Variants in GPC3 observed in about 807,000 individuals in gnomAD.
GPC3 encodes glypican 3.
GPC3 carries 3 observed loss-of-function variants against 34.4 expected under a neutral mutation model. That is an observed-to-expected ratio of 0.09 (90% CI 0.04 to 0.23). The LOEUF (loss-of-function observed/expected upper bound fraction) is 0.23, where lower values mean the gene tolerates loss of function less well. Ranked by LOEUF, GPC3 falls within the 10% of genes least tolerant of loss-of-function variation. The probability of loss-of-function intolerance (pLI) is 1.00; values close to 1 mark genes in which losing one functional copy is unlikely to be tolerated. For synonymous variants in GPC3, 177 were observed against 174.0 expected, an observed-to-expected ratio of 1.02 and a Z score of -0.13; for missense variants, 351 against 445.6, an observed-to-expected ratio of 0.79 and a Z score of 1.91.
At chrX:133,658,696 A>C (rs1013710198) in intron 6 of GPC3, among the ~76,000 whole-genome samples, 1 of 112,502 alleles carries the variant, frequency 8.9e-6, no homozygotes, top group African/African-American at 3.2e-5. Flanking sequence ...TGAAACAGGT[A>C]AAACTGGTTT....
chrX:133,810,465 G>C (rs1172280527), intron 2 of GPC3, among the ~76,000 whole-genome samples: 2 of 111,956 alleles, frequency 1.8e-5, no homozygotes, highest in African/African-American at 3.2e-5. Flanking sequence ...GATTTGGAGG[G>C]AAGAGGAGCC....
Position 133,777,009 on chromosome X carries a change from A to G in GPC3, c.338-22833T>C, listed in dbSNP as rs771782044. Among the ~76,000 whole-genome samples, 7 of 106,525 alleles carry G rather than the reference A, an allele frequency of 6.6e-5. No individual in the cohort carries two copies. In the South Asian group the frequency reaches 1.7e-3, roughly 26 times the overall value. The allele number at this position is 106,525 out of a possible 115,157, so 92.5% of individuals were successfully genotyped here. Reference sequence around the variant, plus strand: ...ATTCTCCTGCCTCAGCCTCCCAAGTAGCTGGGATTACAGGTGCCCACCACC... The same window carrying G: ...ATTCTCCTGCCTCAGCCTCCCAAGTGGCTGGGATTACAGGTGCCCACCACC... On this transcript the variant is annotated intron_variant, in intron 2 of 7. Coordinates refer to ENST00000370818, the MANE Select transcript of GPC3 (RefSeq NM_004484.4).
intron 2 of GPC3, among the ~76,000 whole-genome samples, chrX:133,871,593 G>T (rs892902894): frequency 8.9e-6 from 1 of 111,750 alleles, no homozygotes; most frequent in Non-Finnish European, 1.9e-5. Flanking sequence ...ACCCCCAAAA[G>T]AATTTCCCTT....
chrX:133,741,078 C>G (rs1054802079), intron 3 of GPC3, among the ~76,000 whole-genome samples: 1 of 109,763 alleles, frequency 9.1e-6, no homozygotes, highest in Non-Finnish European at 1.9e-5. Flanking sequence ...AGGTTATGCT[C>G]TCTCTCTCTG....
chrX:133,790,916 C>G (rs1455090043), intron 2 of GPC3, among the ~76,000 whole-genome samples: 1 of 111,584 alleles, frequency 9.0e-6, no homozygotes, highest in Non-Finnish European at 1.9e-5. Context: ...CTGGGGGAGC[C>G]AAGGGCATGA....
At chrX:133,642,578 C>T (rs1227476636) in intron 6 of GPC3, among the ~76,000 whole-genome samples, 1 of 109,551 alleles carries the variant, frequency 9.1e-6, no homozygotes. Flanking sequence ...TCAAGACCAA[C>T]CTGACCAACA....
chrX:133,734,567 G>GA (rs1049307049), intron 3 of GPC3, among the ~76,000 whole-genome samples: 68 of 89,744 alleles, frequency 7.6e-4, no homozygotes, highest in Non-Finnish European at 1.3e-3. Context: ...AAGGAAAGAA[G>GA]AAAAAAAAAG....
At chrX:133,667,102 C>T (rs1244968732) in intron 5 of GPC3, among the ~76,000 whole-genome samples, 3 of 111,781 alleles carry the variant, frequency 2.7e-5, no homozygotes, top group African/African-American at 9.7e-5. Context: ...TGTACACTTC[C>T]GATGTGATGT....
At chrX:133,904,509 G>A (rs1431932430) in intron 2 of GPC3, among the ~76,000 whole-genome samples, 1 of 112,064 alleles carries the variant, frequency 8.9e-6, no homozygotes. Flanking sequence ...ATGGAGAGGA[G>A]GAGGTAGGAC....
intron 2 of GPC3, among the ~76,000 whole-genome samples, chrX:133,860,425 T>G (rs759568605): frequency 9.0e-6 from 1 of 111,181 alleles, no homozygotes; most frequent in South Asian, 3.9e-4. Flanking sequence ...AGAACAAAAC[T>G]GAACAGCACT....
At chrX:133,874,580 C>T (rs1387182885) in intron 2 of GPC3, among the ~76,000 whole-genome samples, 1 of 111,842 alleles carries the variant, frequency 8.9e-6, no homozygotes, top group African/African-American at 3.3e-5. Context: ...GTCAGTAGCA[C>T]TTAGGATGAT....
chrX:133,930,873 T>C (rs1375764027), intron 2 of GPC3, among the ~76,000 whole-genome samples: 1 of 112,123 alleles, frequency 8.9e-6, no homozygotes. Context: ...CCTGACCTCA[T>C]GATCCACCCG....
chrX:133,661,403 C>G (rs1462871355), intron 6 of GPC3, among the ~76,000 whole-genome samples: 2 of 110,695 alleles, frequency 1.8e-5, no homozygotes, highest in Non-Finnish European at 1.9e-5. Flanking sequence ...CCTCTATTTT[C>G]CAAGCTACCC....
intron 2 of GPC3, among the ~76,000 whole-genome samples, chrX:133,910,672 A>G (rs1381043383): frequency 8.9e-6 from 1 of 112,227 alleles, no homozygotes. Context: ...AAGGCATCAC[A>G]CAATCTAAGC....
chrX:133,583,102 T>C, intron 7 of GPC3, among the ~76,000 whole-genome samples: 1 of 111,907 alleles, frequency 8.9e-6, no homozygotes, highest in Middle Eastern at 4.6e-3. Flanking sequence ...AAAATCATAA[T>C]TGGTGACATG....
intron 2 of GPC3, among the ~76,000 whole-genome samples, chrX:133,932,789 T>C (rs1178717241): frequency 9.0e-6 from 1 of 111,187 alleles, no homozygotes; most frequent in African/African-American, 3.3e-5. Flanking sequence ...ACATAAAATT[T>C]CAGGGGCTTC....
At chrX:133,845,184 ATGAAAGGGGAAGTCTGGCCTGAAAGGAGC>A (rs1197660378) in intron 2 of GPC3, among the ~76,000 whole-genome samples, 1 of 111,819 alleles carries the variant, frequency 8.9e-6, no homozygotes, top group African/African-American at 3.3e-5. Flanking sequence ...ATCAGATGAA[ATGAAAGGGGAAGTCTGGCCTGAAAGGAGC>A]TGAAAACTGC....
intron 2 of GPC3, among the ~76,000 whole-genome samples, chrX:133,873,906 T>A (rs1284227658): frequency 9.0e-6 from 1 of 111,593 alleles, no homozygotes; most frequent in Non-Finnish European, 1.9e-5. Flanking sequence ...AATGTGATGA[T>A]AAGATTTAAA....
intron 2 of GPC3, among the ~76,000 whole-genome samples, chrX:133,878,198 C>G (rs1369506912): frequency 9.0e-6 from 1 of 111,376 alleles, no homozygotes; most frequent in Non-Finnish European, 1.9e-5. Flanking sequence ...GAGGCTGAGG[C>G]GGGTGGATTA....
Sources: allele counts gnomAD v4.1 joint callset (sites outside exome capture counted in the v4.1 genomes callset), GRCh38; gene constraint gnomAD v4.1.1; transcripts MANE v1.5; gene names NCBI Gene and HGNC (gene_info 2026-07-23, HGNC 2026-07-21).